Variants in KAT2B observed in about 807,000 individuals in gnomAD.
The protein encoded by KAT2B is lysine acetyltransferase 2B, also known as histone acetyltransferase KAT2B.
In KAT2B, 36 loss-of-function variants were observed where a neutral mutation model predicts 105.9. The ratio of observed to expected loss-of-function variants is 0.34; its 90% CI spans 0.26 to 0.45. The LOEUF is 0.45. KAT2B is among the 20% of genes least tolerant of loss of function. The pLI is 1.00. For synonymous variants in KAT2B, 397 were observed against 377.9 expected (o/e 1.05, Z -0.59); for missense variants, 820 against 1,021.6 (o/e 0.80, Z 2.69).
intron 11 of KAT2B, among the ~76,000 whole-genome samples, chr3:20,133,824 G>A (rs185340443): frequency 6.6e-6 from 1 of 152,240 alleles, no homozygotes; most frequent in Admixed American, 6.5e-5. Context: ...TTTGCACGCC[G>A]TCAAGTGCAA....
At chr3:20,149,495 C>CAAAAAAAAAAAGAAAAAAA (rs1699833914) in intron 17 of KAT2B, among the ~76,000 whole-genome samples, 1 of 42,448 alleles carries the variant, frequency 2.4e-5, no homozygotes, top group African/African-American at 1.3e-4. Flanking sequence ...GACCGTATCT[C>CAAAAAAAAAAAGAAAAAAA]AAAAAAAAAA....
At chr3:20,132,673 G>T (rs901358521) in intron 11 of KAT2B, among the ~76,000 whole-genome samples, 2 of 152,222 alleles carry the variant, frequency 1.3e-5, no homozygotes, top group Non-Finnish European at 2.9e-5. Flanking sequence ...GGAAGTTCAA[G>T]TTAAAAGACA....
chr3:20,150,665 GGAA>G (rs1575163428), intron 17 of KAT2B, among the ~76,000 whole-genome samples: 1 of 152,168 alleles, frequency 6.6e-6, no homozygotes, highest in Non-Finnish European at 1.5e-5. Flanking sequence ...GAAGGCCAGA[GGAA>G]GAAGAATGCT....
chr3:20,121,732 ATGTGTGTGTGTGTGTG>A (rs3840188), intron 8 of KAT2B, among the ~76,000 whole-genome samples: 15,841 of 109,678 alleles, frequency 0.14, 1,101 homozygotes, highest in Admixed American at 0.19. Flanking sequence ...ACATATGCAT[ATGTGTGTGTGTGTGTG>A]TGTGTGTGTG....
At position 20,120,156 on chromosome 3, in the gene KAT2B, TAC is replaced by T. The variant is rs150204618; in HGVS notation, c.1276+437_1276+438del. On this transcript the variant is annotated intron_variant, in intron 8 of 17. Coordinates refer to ENST00000263754, the MANE Select transcript of KAT2B (RefSeq NM_003884.5). ...TGTGATGAGAGAGGGCAGGAAGAAATACACAGTCTCTTGAAGCCTAGGCTTGG... is the reference window on the plus strand; with the variant it reads ...TGTGATGAGAGAGGGCAGGAAGAAATACAGTCTCTTGAAGCCTAGGCTTGG... Among the ~76,000 whole-genome samples, 581 of 152,262 alleles carry T rather than the reference TAC, an allele frequency of 3.8e-3. 5 individuals are homozygous for T. Among genetic ancestry groups the T allele is most frequent in the African/African-American group, 0.013 (552 of 41,572 alleles).
chr3:20,149,508 A>AG, intron 17 of KAT2B, among the ~76,000 whole-genome samples: 1 of 149,576 alleles, frequency 6.7e-6, no homozygotes, highest in Non-Finnish European at 1.5e-5. Context: ...AAAAAAAAAA[A>AG]AAAAAAAAAA....
chr3:20,062,002 T>TATAATATATATAATATATAAAAC (rs1698118209), intron 1 of KAT2B, among the ~76,000 whole-genome samples: 2 of 71,340 alleles, frequency 2.8e-5, no homozygotes, highest in African/African-American at 1.2e-4. Flanking sequence ...ATATAAAACA[T>TATAATATATATAATATATAAAAC]ATAATATATA....
intron 2 of KAT2B, among the ~76,000 whole-genome samples, chr3:20,078,377 A>G (rs756763799): frequency 1.3e-5 from 2 of 151,980 alleles, no homozygotes; most frequent in Non-Finnish European, 1.5e-5. Context: ...TTTTTTGATT[A>G]TTTTTCAGTG....
chr3:20,121,959 A>G (rs1699318502), intron 8 of KAT2B, among the ~76,000 whole-genome samples: 1 of 152,194 alleles, frequency 6.6e-6, no homozygotes, highest in Non-Finnish European at 1.5e-5. Flanking sequence ...ATTACATAGC[A>G]ATAACTAACC....
chr3:20,042,951 G>A (rs1237079648), intron 1 of KAT2B, among the ~76,000 whole-genome samples: 1 of 151,640 alleles, frequency 6.6e-6, no homozygotes, highest in Non-Finnish European at 1.5e-5. Flanking sequence ...GTAGGCTGGA[G>A]TGCAGTGGCA....
chr3:20,138,528 A>G (rs9878933), intron 12 of KAT2B, among the ~76,000 whole-genome samples: 39,903 of 152,024 alleles, frequency 0.26, 8,062 homozygotes, highest in East Asian at 0.62. Flanking sequence ...TATTTTAAAA[A>G]TTTCCATTTT....
chr3:20,135,927 A>T (rs1036795356), intron 11 of KAT2B, among the ~76,000 whole-genome samples: 1 of 152,188 alleles, frequency 6.6e-6, no homozygotes, highest in Non-Finnish European at 1.5e-5. Flanking sequence ...CAACTATATG[A>T]TGCCTGAAAA....
chr3:20,103,543 G>A lies in KAT2B; in HGVS notation c.851+2075G>A, dbSNP rs539274332. Among the ~76,000 whole-genome samples the A allele has an allele frequency of 6.6e-5, 10 of 152,078 alleles. No individual in the cohort carries two copies. The East Asian group carries it at 1.9e-3, about 29-fold the overall frequency. On this transcript the variant is annotated intron_variant, in intron 5 of 17. Transcript: ENST00000263754. ...ATCTATCTCAGCCTCCTTAGTAGCT[G>A]GGACTACAGGCACATGCCACCATGC...
intron 8 of KAT2B, 92 bp from the exon 9 acceptor site, chr3:20,122,576 C>T: frequency 1.0e-6 from 1 of 960,460 alleles, no homozygotes; most frequent in Non-Finnish European, 1.6e-6. Flanking sequence ...GACCTCCATG[C>T]CCATCAATGC....
intron 1 of KAT2B, among the ~76,000 whole-genome samples, chr3:20,041,024 A>T (rs1251401761): frequency 6.6e-6 from 1 of 152,138 alleles, no homozygotes; most frequent in African/African-American, 2.4e-5. Flanking sequence ...TTCCGCTTGA[A>T]AGGAGTAGCT....
chr3:20,086,088 T>C (rs1363753156), intron 2 of KAT2B, among the ~76,000 whole-genome samples: 5 of 151,636 alleles, frequency 3.3e-5, no homozygotes. Flanking sequence ...CTGGACAACA[T>C]GGTGAAACCC....
chr3:20,123,071 GCCCTC>G, intron 9 of KAT2B: 1 of 524,844 alleles, frequency 1.9e-6, no homozygotes, highest in Non-Finnish European at 2.4e-6. Flanking sequence ...AAAATTTCAA[GCCCTC>G]ATAAATGTTG....
chr3:20,095,350 C>T lies in KAT2B; in HGVS notation c.518C>T (p.Thr173Ile). ...GTATTGGATGTGGAATATCTCTTTA[C>T]CTGTGTCCACAAGGAAGAAGATGCA... ...GIVLDVEYLF[T>I]CVHKEEDADT... The change falls in exon 3 of 18, where the codon ACC becomes ATC. Residue 173 changes from threonine (T) to isoleucine (I), a missense_variant. This residue lies in a region of KAT2B where 173 missense variants were observed against 249.5 expected (regional missense o/e 0.69). Transcript: ENST00000263754. 6.2e-7 allele frequency: 1 copy of T among 1,600,214 alleles called. No homozygotes were observed. The highest frequency in any genetic ancestry group is 8.6e-7 in the Non-Finnish European group (1 of 1,167,548).
chr3:20,130,847 T>C (rs1256359589), intron 11 of KAT2B, among the ~76,000 whole-genome samples: 2 of 132,264 alleles, frequency 1.5e-5, no homozygotes, highest in Non-Finnish European at 3.1e-5. Flanking sequence ...ATAGAATGGA[T>C]GAGTTTAGTG....
Sources: allele counts gnomAD v4.1 joint callset (sites outside exome capture counted in the v4.1 genomes callset), GRCh38; gene constraint gnomAD v4.1.1; regional missense constraint gnomAD v4.1.1; transcripts MANE v1.5; gene names NCBI Gene and HGNC (gene_info 2026-07-23, HGNC 2026-07-21).